Variants in EML6 observed in about 807,000 individuals in gnomAD.
The protein encoded by EML6 is EMAP like 6.
Under a neutral mutation model 240.1 loss-of-function variants are expected in EML6, and 154 were observed. That is an observed-to-expected ratio of 0.64 (90% confidence interval 0.56 to 0.73). The LOEUF is 0.73. Ranked by LOEUF, EML6 falls within the 30% of genes least tolerant of loss-of-function variation. EML6 has a pLI of 0.00. For missense variants in EML6, 2,964 were observed against 2,474.6 expected, an observed-to-expected ratio of 1.20 and a Z score of -4.20; for synonymous variants, 1,148 against 899.0, an observed-to-expected ratio of 1.28 and a Z score of -4.95.
At chr2:54,965,010 C>T (rs947826583) in intron 38 of EML6, among the ~76,000 whole-genome samples, 3 of 152,230 alleles carry the variant, frequency 2.0e-5, no homozygotes, top group African/African-American at 7.2e-5. Context: ...TCACCACCTC[C>T]TCTTCAGAGT....
intron 35 of EML6, among the ~76,000 whole-genome samples, chr2:54,961,184 G>GTTGTTTTTTTTTTTTTGTTTTGTTTTTT: frequency 1.8e-5 from 1 of 55,424 alleles, no homozygotes; most frequent in Non-Finnish European, 3.2e-5. Flanking sequence ...TCAGGAAGTA[G>GTTGTTTTTTTTTTTTTGTTTTGTTTTTT]TTTTTTTTTT....
Position 54,817,779 on chromosome 2 carries a change from A to G in EML6, c.456+894A>G, listed in dbSNP as rs1001349297. ...GAGGCTCTAATTAAACATGAAATTC[A>G]CTGTCTCTTGCTTAGAAGGAACTCT... On this transcript the variant is annotated intron_variant, in intron 4 of 41. Coordinates refer to ENST00000356458, the MANE Select transcript of EML6 (RefSeq NM_001039753.4). Among the ~76,000 whole-genome samples the G allele has an allele frequency of 1.9e-4, 29 of 152,102 alleles. 1 individual carries two copies. Among genetic ancestry groups the G allele is most frequent in the African/African-American group, 6.8e-4 (28 of 41,416 alleles).
intron 28 of EML6, among the ~76,000 whole-genome samples, chr2:54,929,795 T>C (rs1322323733): frequency 1.3e-5 from 2 of 152,154 alleles, no homozygotes; most frequent in Non-Finnish European, 2.9e-5. Context: ...GGCAAGAAGA[T>C]TGAATCTAAT....
At chr2:54,761,778 C>T (rs1173775575) in intron 2 of EML6, among the ~76,000 whole-genome samples, 1 of 151,816 alleles carries the variant, frequency 6.6e-6, no homozygotes, top group Non-Finnish European at 1.5e-5. Flanking sequence ...AAGAATAGTC[C>T]ACAGATTTCA....
chr2:54,829,347 A>G lies in EML6; in HGVS notation c.717A>G (p.Gly239=), dbSNP rs777199584. The G allele has an allele frequency of 6.3e-5, 98 of 1,551,504 alleles. 1 individual carries two copies. Among genetic ancestry groups the G allele is most frequent in the Non-Finnish European group, 7.9e-5 (91 of 1,146,900 alleles). ...VRTIQGAHSA[G]IFSMYACEEG... Reference sequence around the variant, plus strand: ...TTACCTGTTTTAATCAACAGGCTGGAATCTTTAGCATGTATGCTTGTGAAG... The same window carrying G: ...TTACCTGTTTTAATCAACAGGCTGGGATCTTTAGCATGTATGCTTGTGAAG... The change falls in exon 7 of 42, where the codon GGA becomes GGG. Residue 239 remains glycine (G), a synonymous_variant. Coordinates refer to ENST00000356458, the MANE Select transcript of EML6 (RefSeq NM_001039753.4).
At chr2:54,910,649 G>C (rs1002831909) in intron 24 of EML6, among the ~76,000 whole-genome samples, 4 of 151,752 alleles carry the variant, frequency 2.6e-5, no homozygotes, top group Non-Finnish European at 4.4e-5. Context: ...ATTTTTCTCA[G>C]GCTTTGGAAA....
Position 54,970,056 on chromosome 2 carries a change from G to C in EML6, c.5853-15G>C, listed in dbSNP as rs1346135583. On this transcript the variant is annotated splice_polypyrimidine_tract_variant and intron_variant, in intron 41 of 41. Transcript: ENST00000356458. Reference sequence around the variant, plus strand: ...GTCCAGCTATGCAAAATGACTGTTTGATCTGCCTTTTCAGTGTATTTGTGT... The same window carrying C: ...GTCCAGCTATGCAAAATGACTGTTTCATCTGCCTTTTCAGTGTATTTGTGT... 2.6e-6 allele frequency: 4 copies of C among 1,551,620 alleles called. No individual in the cohort carries two copies. The highest frequency in any genetic ancestry group is 3.5e-6 in the Non-Finnish European group (4 of 1,146,936).
At chr2:54,739,786 A>T (rs1250259682) in intron 2 of EML6, among the ~76,000 whole-genome samples, 4 of 152,242 alleles carry the variant, frequency 2.6e-5, no homozygotes, top group African/African-American at 9.6e-5. Context: ...TAGGCTGTAT[A>T]CCTGTCACTC....
chr2:54,968,729 A>T lies in EML6; in HGVS notation c.5813A>T (p.Asp1938Val). Residue 1938 changes from aspartate (D) to valine (V), a missense_variant, in exon 41 of 42, where the codon GAT becomes GTT. Coordinates refer to ENST00000356458, the MANE Select transcript of EML6 (RefSeq NM_001039753.4). ...AHVTNIRFSY[D>V]DKYVVSTGGD... Reference sequence around the variant, plus strand: ...GTGACGAACATCCGTTTCTCTTATGATGACAAGTATGTGGTCAGCACTGGA... The same window carrying T: ...GTGACGAACATCCGTTTCTCTTATGTTGACAAGTATGTGGTCAGCACTGGA... 6.4e-7 allele frequency: 1 copy of T among 1,550,678 alleles called. No homozygotes were observed. Among genetic ancestry groups the T allele is most frequent in the Non-Finnish European group, 8.7e-7 (1 of 1,145,990 alleles).
rs561603822 is a variant in EML6, at chr2:54,968,108, C to T, written c.5598-20C>T. 42 of 1,550,134 alleles carry T rather than the reference C, an allele frequency of 2.7e-5. No individual in the cohort carries two copies. In the South Asian group the frequency reaches 3.9e-4, roughly 14 times the overall value. On this transcript the variant is annotated intron_variant, in intron 39 of 41. Transcript: ENST00000356458. The stretch of plus-strand genomic sequence containing the variant: ...CGCCGTGACTTCCTTCTATCCTAAC[C>T]CCTCTTTCTGTTGGAACAGCGTCCT...
chr2:54,964,276 A>T (rs952910891), intron 37 of EML6, 118 bp downstream of exon 37: 2 of 1,006,944 alleles, frequency 2.0e-6, no homozygotes, highest in African/African-American at 3.3e-5. Flanking sequence ...CACTTTCAAC[A>T]AGCCACCTAT....
At chr2:54,859,170 TTC>T (rs1670543424) in intron 11 of EML6, among the ~76,000 whole-genome samples, 1 of 152,238 alleles carries the variant, frequency 6.6e-6, no homozygotes, top group African/African-American at 2.4e-5. Flanking sequence ...TAGAATTATT[TTC>T]TGTTTCCCTG....
At chr2:54,945,496 C>T (rs1675650508) in intron 28 of EML6, among the ~76,000 whole-genome samples, 1 of 152,082 alleles carries the variant, frequency 6.6e-6, no homozygotes, top group Non-Finnish European at 1.5e-5. Flanking sequence ...CACACCCACA[C>T]CCACACCCCT....
chr2:54,725,322 G>T lies in EML6; in HGVS notation c.197+64G>T. 1 of 1,267,512 alleles carries T rather than the reference G, an allele frequency of 7.9e-7. No individual in the cohort carries two copies. The highest frequency in any genetic ancestry group is 1.0e-6 in the Non-Finnish European group (1 of 958,222). The allele number at this position is 1,267,512 out of a possible 1,614,324, so 78.5% of individuals were successfully genotyped here. A position where few individuals can be genotyped will look rare whatever the true frequency, so the allele number is the denominator to read the frequency against. ...GTGGAGGCTGGGAAGGTGGGAAGCG[G>T]TTGACCTGGGGTCGGATCCGGGAGC... On this transcript the variant is annotated intron_variant, in intron 2 of 41. Transcript: ENST00000356458. This position sits in a 1 kb window ranked among gnomAD's most constrained non-coding sequence, Gnocchi z 4.3.
Position 54,967,104 on chromosome 2 carries a change from GTGAC to G in EML6, c.5597+8_5597+11del, listed in dbSNP as rs767825956. ...AGATCACCTGGGCCTCCTGGACAAGGTGACTGACTGGAAGAAAAAACTTGAGGAA... is the reference window on the plus strand; with the variant it reads ...AGATCACCTGGGCCTCCTGGACAAGGTGACTGGAAGAAAAAACTTGAGGAA... On this transcript the variant is annotated splice_donor_variant and splice_donor_5th_base_variant and intron_variant, in intron 39 of 41. Transcript: ENST00000356458. LOFTEE classifies it high-confidence loss of function. 2.6e-6 allele frequency: 4 copies of G among 1,547,794 alleles called. No homozygotes were observed. Among genetic ancestry groups the G allele is most frequent in the African/African-American group, 1.4e-5 (1 of 72,944 alleles).
At chr2:54,807,746 T>C (rs1037396399) in intron 2 of EML6, among the ~76,000 whole-genome samples, 1 of 152,228 alleles carries the variant, frequency 6.6e-6, no homozygotes, top group African/African-American at 2.4e-5. Context: ...GCTTTTAATA[T>C]AATTTATGTA....
At chr2:54,902,775 A>G (rs1673127205) in intron 22 of EML6, among the ~76,000 whole-genome samples, 1 of 152,120 alleles carries the variant, frequency 6.6e-6, no homozygotes, top group Non-Finnish European at 1.5e-5. Context: ...AACCTACGGA[A>G]TGTGGCCCAG....
intron 15 of EML6, 115 bp downstream of exon 15, chr2:54,869,482 G>T: frequency 2.5e-6 from 2 of 801,740 alleles, no homozygotes; most frequent in Admixed American, 5.6e-5. Flanking sequence ...AGATGGGAAG[G>T]TGAAGATTGA....
intron 28 of EML6, among the ~76,000 whole-genome samples, chr2:54,942,487 T>G (rs76851177): frequency 1.7e-3 from 253 of 152,182 alleles, no homozygotes; most frequent in African/African-American, 5.9e-3. Flanking sequence ...CTCCTGTCAA[T>G]TAGTGTGTGG....
Sources: gnomAD v4.1 joint callset for allele counts (sites outside exome capture counted in the v4.1 genomes callset) on GRCh38, gnomAD v4.1.1 for gene constraint, Gnocchi (gnomAD v3.1) non-coding constraint, MANE v1.5 for transcripts, NCBI Gene and HGNC (gene_info 2026-07-23, HGNC 2026-07-21) for gene names.